The following ACACA variants were observed in gnomAD, a reference collection of about 807,000 sequenced individuals.
ACACA encodes acetyl-CoA carboxylase alpha, also known as acetyl-CoA carboxylase 1.
Under a neutral mutation model 296.1 loss-of-function variants are expected in ACACA, and 103 were observed. That is an observed-to-expected ratio of 0.35 (90% CI 0.30 to 0.41). The LOEUF is 0.41. ACACA is among the 10% of genes least tolerant of loss of function. The probability of loss-of-function intolerance (pLI) is 1.00; values close to 1 mark genes in which losing one functional copy is unlikely to be tolerated. For synonymous variants in ACACA, 953 were observed against 1,038.6 expected, an observed-to-expected ratio of 0.92 and a Z score of 1.58; for missense variants, 1,554 against 2,989.7, an observed-to-expected ratio of 0.52 and a Z score of 11.20.
At chr17:37,223,673 T>C (rs2079399802) in intron 27 of ACACA, 72 bp from the exon 28 acceptor site, 8 of 1,164,140 alleles carry the variant, frequency 6.9e-6, no homozygotes, top group Non-Finnish European at 1.0e-5. Context: ...TATTTGGCAT[T>C]TGAAGCATTT....
At chr17:37,283,488 A>G (rs962686556) in intron 4 of ACACA, 83 bp from the exon 5 acceptor site, 6 of 1,483,164 alleles carry the variant, frequency 4.0e-6, no homozygotes, top group South Asian at 1.2e-5. Flanking sequence ...GAATTTTTAC[A>G]TATCTATCTT....
At chr17:37,234,474 C>T (rs909193720) in intron 25 of ACACA, among the ~76,000 whole-genome samples, 24 of 151,998 alleles carry the variant, frequency 1.6e-4, no homozygotes, top group African/African-American at 4.6e-4. Flanking sequence ...TACAATAATC[C>T]GAGCTTAGAT....
chr17:37,277,133 T>A lies in ACACA; in HGVS notation c.721-19A>T, dbSNP rs753784457. 1.1e-5 allele frequency: 17 copies of A among 1,603,634 alleles called. No homozygotes were observed. The highest frequency in any genetic ancestry group is 1.4e-5 in the Non-Finnish European group (16 of 1,170,418). On this transcript the variant is annotated intron_variant, in intron 6 of 55. Coordinates refer to ENST00000616317, the MANE Select transcript of ACACA (RefSeq NM_198834.3). ...ACACTGCCTGCAAGGGAATACAATATAATTCATTCTTAAAATTCATACAAA... is the reference window on the plus strand; with the variant it reads ...ACACTGCCTGCAAGGGAATACAATAAAATTCATTCTTAAAATTCATACAAA...
At chr17:37,359,203 A>G (rs1025948393) in intron 1 of ACACA, 11 of 914,522 alleles carry the variant, frequency 1.2e-5, no homozygotes, top group East Asian at 1.2e-4. Context: ...GGCGAGCTCC[A>G]TGAGGTGACT....
At chr17:37,274,330 T>G (rs781173909) in intron 8 of ACACA, 31 bp from the exon 9 acceptor site, 1 of 1,558,170 alleles carries the variant, frequency 6.4e-7, no homozygotes, top group Non-Finnish European at 8.9e-7. Context: ...TTAGGGCAAT[T>G]ACAAGATCTT....
chr17:37,237,920 C>T (rs1365077991), intron 24 of ACACA, among the ~76,000 whole-genome samples: 3 of 152,130 alleles, frequency 2.0e-5, no homozygotes, highest in Non-Finnish European at 4.4e-5. Flanking sequence ...TAACACTACA[C>T]CTGGCTAATT....
chr17:37,398,095 T>C (rs2051139947), intron 1 of ACACA, among the ~76,000 whole-genome samples: 1 of 151,060 alleles, frequency 6.6e-6, no homozygotes, highest in Non-Finnish European at 1.5e-5. Context: ...CTGGGCGTGG[T>C]GGCGCGCGCC....
intron 43 of ACACA, among the ~76,000 whole-genome samples, chr17:37,152,271 C>T (rs183857941): frequency 1.3e-5 from 2 of 152,220 alleles, no homozygotes; most frequent in East Asian, 3.9e-4. Context: ...TTTTAGATGC[C>T]CTCTCTTATT....
chr17:37,199,387 T>C (rs1215007594), intron 35 of ACACA, among the ~76,000 whole-genome samples: 4 of 152,256 alleles, frequency 2.6e-5, no homozygotes, highest in African/African-American at 9.6e-5. Context: ...ACTGGATTTC[T>C]GGCCTTACTG....
At chr17:37,366,078 G>A (rs1450500290) in intron 1 of ACACA, among the ~76,000 whole-genome samples, 1 of 152,184 alleles carries the variant, frequency 6.6e-6, no homozygotes, top group Non-Finnish European at 1.5e-5. Flanking sequence ...CCAGTCGTAG[G>A]ATTCTGACAT....
intron 1 of ACACA, among the ~76,000 whole-genome samples, chr17:37,371,199 C>A (rs528757166): frequency 1.3e-4 from 20 of 151,856 alleles, no homozygotes; most frequent in African/African-American, 4.1e-4. Flanking sequence ...CCTGCCTCAG[C>A]CCCCCGAGTA....
At chr17:37,223,250 A>C (rs2079378769) in intron 28 of ACACA, among the ~76,000 whole-genome samples, 1 of 152,216 alleles carries the variant, frequency 6.6e-6, no homozygotes, top group African/African-American at 2.4e-5. Context: ...GAGAATTCAA[A>C]TACCTGGAAA....
intron 3 of ACACA, among the ~76,000 whole-genome samples, chr17:37,294,250 G>T (rs2083221054): frequency 6.6e-6 from 1 of 152,114 alleles, no homozygotes; most frequent in Non-Finnish European, 1.5e-5. Flanking sequence ...TCCAGACAAA[G>T]AATGTATTCT....
chr17:37,342,436 A>AAAAATATATAT (rs1555652530), intron 1 of ACACA, among the ~76,000 whole-genome samples: 10 of 58,216 alleles, frequency 1.7e-4, no homozygotes, highest in Non-Finnish European at 2.3e-4. Flanking sequence ...AAAAAAAAAA[A>AAAAATATATAT]ATATATATAT....
At chr17:37,271,291 G>A (rs940410237) in intron 9 of ACACA, among the ~76,000 whole-genome samples, 3 of 152,132 alleles carry the variant, frequency 2.0e-5, no homozygotes, top group African/African-American at 7.2e-5. Context: ...CAAGGCGGGC[G>A]GATCACCTGA....
Position 37,102,199 on chromosome 17 carries a change from C to CTTT in ACACA, c.6566-4218_6566-4216dup, listed in dbSNP as rs35050543. Among the ~76,000 whole-genome samples the CTTT allele has an allele frequency of 5.2e-3, 548 of 106,046 alleles. 2 individuals are homozygous for CTTT. Among genetic ancestry groups the CTTT allele is most frequent in the East Asian group, 9.9e-3 (33 of 3,334 alleles). The allele number at this position is 106,046 out of a possible 152,430, so 69.6% of individuals were successfully genotyped here. On this transcript the variant is annotated intron_variant, in intron 52 of 55. Transcript: ENST00000616317. ...GGGACTTCCCCAATGGCATCCAGCT[C>CTTT]TTTTTTTTTTTTTTTTTTTTTTTGA...
At chr17:37,143,264 G>A (rs540773468) in intron 45 of ACACA, among the ~76,000 whole-genome samples, 2 of 148,374 alleles carry the variant, frequency 1.3e-5, no homozygotes, top group South Asian at 2.1e-4. Flanking sequence ...CATTCAGAAT[G>A]CCAACAAAAC....
At chr17:37,177,098 T>C (rs936430789) in intron 41 of ACACA, among the ~76,000 whole-genome samples, 1 of 152,178 alleles carries the variant, frequency 6.6e-6, no homozygotes, top group Non-Finnish European at 1.5e-5. Context: ...CTATTCACTT[T>C]CTGGTTTCAA....
chr17:37,241,290 T>C lies in ACACA; in HGVS notation c.3032+663A>G, dbSNP rs537810388. Among the ~76,000 whole-genome samples, 4 of 152,272 alleles carry C rather than the reference T, an allele frequency of 2.6e-5. 1 individual carries two copies. Among genetic ancestry groups the C allele is most frequent in the South Asian group, 4.1e-4 (2 of 4,824 alleles). On this transcript the variant is annotated intron_variant, in intron 23 of 55. Transcript: ENST00000616317. ...AACCACAATTACTTTTGCACCAACC[T>C]AATATAATAGGCTCCATAAGCTAAG...
Sources: allele counts gnomAD v4.1 joint callset (sites outside exome capture counted in the v4.1 genomes callset), GRCh38; gene constraint gnomAD v4.1.1; transcripts MANE v1.5; gene names NCBI Gene and HGNC (gene_info 2026-07-23, HGNC 2026-07-21).